The following RTKN2 variants were observed in gnomAD, a reference collection of about 807,000 sequenced individuals.
RTKN2 encodes rhotekin 2, also known as rhotekin-2.
In RTKN2, 69 loss-of-function variants were observed where a neutral mutation model predicts 71.5. The observed-to-expected ratio is 0.96, with a 90% CI of 0.79 to 1.18. RTKN2 has a LOEUF of 1.18. Among genes scored for constraint, RTKN2 ranks in the 50% most tolerant of loss-of-function variants. The probability of loss-of-function intolerance (pLI) is 0.00; values close to 1 mark genes in which losing one functional copy is unlikely to be tolerated. For synonymous variants in RTKN2, 236 were observed against 236.5 expected, an observed-to-expected ratio of 1.00 and a Z score of 0.02; for missense variants, 724 against 719.7, an observed-to-expected ratio of 1.01 and a Z score of -0.07.
intron 5 of RTKN2, among the ~76,000 whole-genome samples, chr10:62,236,767 C>G (rs1842267800): frequency 6.6e-6 from 1 of 151,924 alleles, no homozygotes; most frequent in African/African-American, 2.4e-5. Context: ...TATACACACA[C>G]ACAACGGACA....
At chr10:62,255,403 T>C (rs3852406) in intron 2 of RTKN2, among the ~76,000 whole-genome samples, 87,049 of 151,862 alleles carry the variant, frequency 0.57, 25,391 homozygotes, top group East Asian at 0.89. Context: ...AGGGAAAATA[T>C]AAAGCAAGAA....
In RTKN2 at chr10:62,198,171, CT is replaced by C; in HGVS notation, c.1566del (p.Asp523IlefsTer26). 1 of 1,614,074 alleles carries C rather than the reference CT, an allele frequency of 6.2e-7. No individual in the cohort carries two copies. The highest frequency in any genetic ancestry group is 8.5e-7 in the Non-Finnish European group (1 of 1,179,960). On this transcript the variant is annotated frameshift_variant, in exon 12 of 12. Coordinates refer to ENST00000373789, the MANE Select transcript of RTKN2 (RefSeq NM_145307.4). LOFTEE classifies it high-confidence loss of function. ...LPFSLKSQSN[T>X]DQLVKDNWGK... is the part of the protein sequence containing the mutation. ...CCCCAGTTGTCCTTAACCAATTGAT[CT>C]GTGTTACTCTGTGATTTTAAGCTGA...
At chr10:62,238,904 A>C (rs1031716392) in intron 5 of RTKN2, 1 of 152,044 alleles carries the variant, frequency 6.6e-6, no homozygotes, top group Non-Finnish European at 1.5e-5. Flanking sequence ...TAACATTTAG[A>C]TCTAAAGATC....
Position 62,196,517 on chromosome 10 carries a change from A to G in RTKN2, c.*1391T>C. On this transcript the variant is annotated 3_prime_UTR_variant, in exon 12 of 12. Transcript: ENST00000373789. ...AAGACCCCGCTATCTGAAAATAATG[A>G]AAGGCTCCATTTAAATTAATGTGGT... 1.0e-6 allele frequency: 1 copy of G among 985,340 alleles called. No homozygotes were observed. Among genetic ancestry groups the G allele is most frequent in the African/African-American group, 1.7e-5 (1 of 57,360 alleles). The allele number at this position is 985,340 out of a possible 1,614,324, so 61.0% of individuals were successfully genotyped here.
chr10:62,199,976 AC>A (rs1319308054), intron 10 of RTKN2, 115 bp from the exon 11 acceptor site: 4 of 644,764 alleles, frequency 6.2e-6, no homozygotes, highest in Non-Finnish European at 1.1e-5. Context: ...GTGAATTTAT[AC>A]ATAAAGCACT....
intron 6 of RTKN2, among the ~76,000 whole-genome samples, chr10:62,235,856 C>T (rs1297781708): frequency 6.6e-6 from 1 of 151,978 alleles, no homozygotes; most frequent in Non-Finnish European, 1.5e-5. Context: ...TATTAGAATT[C>T]CAAATCACTA....
In RTKN2 at chr10:62,230,439, A is replaced by G. The variant is rs975394309; in HGVS notation, c.686+5627T>C. Among the ~76,000 whole-genome samples, 5 of 152,128 alleles carry G rather than the reference A, an allele frequency of 3.3e-5. No homozygotes were observed. The East Asian group carries it at 7.7e-4, about 23-fold the overall frequency. ...TGATCCACCCACCTCGGCCTCCCAA[A>G]GTGCTGAGATTACAGGCATGAGCAA... On this transcript the variant is annotated intron_variant, in intron 6 of 11. Transcript: ENST00000373789.
chr10:62,247,451 A>G (rs2133045721), intron 2 of RTKN2, among the ~76,000 whole-genome samples: 1 of 152,106 alleles, frequency 6.6e-6, no homozygotes, highest in South Asian at 2.1e-4. Context: ...ATTTAAAGCC[A>G]TATATTCTCA....
At chr10:62,185,396 T>A (rs1381186131) in intron 8 of RTKN2, among the ~76,000 whole-genome samples, 1 of 152,034 alleles carries the variant, frequency 6.6e-6, no homozygotes, top group East Asian at 1.9e-4. Context: ...AGTGGGCAGA[T>A]CATGAGGTCA....
At chr10:62,252,396 C>A (rs1842597790) in intron 2 of RTKN2, among the ~76,000 whole-genome samples, 1 of 151,944 alleles carries the variant, frequency 6.6e-6, no homozygotes, top group South Asian at 2.1e-4. Flanking sequence ...CTTAAACATG[C>A]AAGAAAGTGA....
chr10:62,251,229 T>C (rs989474798), intron 2 of RTKN2, among the ~76,000 whole-genome samples: 3 of 152,232 alleles, frequency 2.0e-5, no homozygotes, highest in Admixed American at 6.5e-5. Flanking sequence ...GGTAAATATT[T>C]TGAAAGAGGG....
intron 8 of RTKN2, among the ~76,000 whole-genome samples, chr10:62,187,743 C>CGTG (rs1166393977): frequency 6.6e-6 from 1 of 152,136 alleles, no homozygotes; most frequent in African/African-American, 2.4e-5. Context: ...GTGAACTTAA[C>CGTG]GTGTAGTGGT....
chr10:62,241,591 TG>T (rs1349794682), intron 3 of RTKN2, among the ~76,000 whole-genome samples: 10 of 152,320 alleles, frequency 6.6e-5, no homozygotes, highest in African/African-American at 2.4e-4. Context: ...TTCTTTTTTT[TG>T]TTTTTTGACA....
At chr10:62,264,405 GT>G (rs1178670296) in intron 1 of RTKN2, among the ~76,000 whole-genome samples, 1 of 152,036 alleles carries the variant, frequency 6.6e-6, no homozygotes, top group African/African-American at 2.4e-5. Context: ...TCATTTGCTG[GT>G]TTTCCTTCAT....
intron 6 of RTKN2, among the ~76,000 whole-genome samples, chr10:62,230,718 T>C (rs1256695712): frequency 6.6e-6 from 1 of 152,210 alleles, no homozygotes; most frequent in Non-Finnish European, 1.5e-5. Context: ...GACTTGCCTG[T>C]AGCTTGCAAG....
intron 8 of RTKN2, 83 bp downstream of exon 8, chr10:62,218,112 A>G: frequency 1.2e-6 from 1 of 836,300 alleles, no homozygotes; most frequent in Non-Finnish European, 2.0e-6. Flanking sequence ...ATACTTCTCA[A>G]TATCAGAAGG....
At chr10:62,205,153 TAA>T (rs1194266037) in intron 9 of RTKN2, 131 bp from the exon 10 acceptor site, 7 of 692,466 alleles carry the variant, frequency 1.0e-5, no homozygotes, top group Non-Finnish European at 1.6e-5. Context: ...ATTTGAAATT[TAA>T]AACATGTAAT....
intron 5 of RTKN2, chr10:62,238,822 C>T (rs1842311840): frequency 6.6e-6 from 1 of 151,814 alleles, no homozygotes; most frequent in Admixed American, 6.6e-5. Flanking sequence ...TAAAATCTCA[C>T]CTGTCTAGCT....
At chr10:62,252,021 A>T (rs748310748) in intron 2 of RTKN2, among the ~76,000 whole-genome samples, 1 of 152,096 alleles carries the variant, frequency 6.6e-6, no homozygotes, top group Non-Finnish European at 1.5e-5. Context: ...ACGTATATGT[A>T]ATCAGAATTC....
Sources: gnomAD v4.1 joint callset for allele counts (sites outside exome capture counted in the v4.1 genomes callset) on GRCh38, gnomAD v4.1.1 for gene constraint, MANE v1.5 for transcripts, NCBI Gene and HGNC (gene_info 2026-07-23, HGNC 2026-07-21) for gene names.